The following GYS2 variants were observed in gnomAD, a reference collection of about 807,000 sequenced individuals.
GYS2 encodes glycogen synthase 2, also known as glycogen [starch] synthase, liver.
Under a neutral mutation model 85.6 loss-of-function variants are expected in GYS2, and 80 were observed. The observed-to-expected ratio is 0.93, with a 90% CI of 0.78 to 1.13. The LOEUF is 1.13. Ranked by LOEUF, GYS2 falls within the 50% of genes most tolerant of loss-of-function variation. The pLI, the probability that GYS2 is intolerant of heterozygous loss-of-function variation, is 0.00. For missense variants in GYS2, 881 were observed against 854.9 expected, an observed-to-expected ratio of 1.03 and a Z score of -0.38; for synonymous variants, 328 against 300.7, an observed-to-expected ratio of 1.09 and a Z score of -0.94.
chr12:21,567,310 A>G (rs1473717450), intron 5 of GYS2, among the ~76,000 whole-genome samples: 1 of 152,122 alleles, frequency 6.6e-6, no homozygotes, highest in Non-Finnish European at 1.5e-5. Context: ...TAGAATAGGC[A>G]AAAACAAAGA....
intron 15 of GYS2, among the ~76,000 whole-genome samples, chr12:21,537,806 A>C (rs577669571): frequency 6.6e-6 from 1 of 152,276 alleles, no homozygotes; most frequent in Non-Finnish European, 1.5e-5. Context: ...ATACTGAGAT[A>C]ACTTATTTGA....
chr12:21,533,126 T>A (rs762239083), downstream of GYS2, among the ~76,000 whole-genome samples: 7 of 152,240 alleles, frequency 4.6e-5, no homozygotes, highest in Non-Finnish European at 5.9e-5. Flanking sequence ...AATACCTTGA[T>A]CTGCAGGGAG....
At chr12:21,545,436 C>T (rs762904098) in intron 12 of GYS2, among the ~76,000 whole-genome samples, 69 of 152,136 alleles carry the variant, frequency 4.5e-4, no homozygotes, top group African/African-American at 8.9e-4. Context: ...AGTGAGACTC[C>T]GTCTCAAAGA....
chr12:21,582,407 C>T (rs1162362917), intron 1 of GYS2, among the ~76,000 whole-genome samples: 1 of 152,148 alleles, frequency 6.6e-6, no homozygotes, highest in Non-Finnish European at 1.5e-5. Flanking sequence ...TCCCAGCCTA[C>T]ATTTTTCTCC....
At chr12:21,574,386 G>C in intron 3 of GYS2, 60 bp from the exon 4 acceptor site, 1 of 1,245,646 alleles carries the variant, frequency 8.0e-7, no homozygotes, top group South Asian at 1.2e-5. Context: ...TTGTGCTCAT[G>C]GTCCACATCA....
chr12:21,583,172 C>T (rs993823387), intron 1 of GYS2, among the ~76,000 whole-genome samples: 9 of 152,178 alleles, frequency 5.9e-5, no homozygotes, highest in African/African-American at 1.7e-4. Flanking sequence ...GTAGCAAACA[C>T]ACTGGATTTA....
chr12:21,591,133 C>A (rs1372739203), intron 1 of GYS2, among the ~76,000 whole-genome samples: 1 of 151,448 alleles, frequency 6.6e-6, no homozygotes, highest in African/African-American at 2.4e-5. Context: ...GCAACATAAG[C>A]CAGTGGAAAA....
intron 1 of GYS2, among the ~76,000 whole-genome samples, chr12:21,593,106 G>A (rs1021798102): frequency 3.3e-5 from 5 of 151,782 alleles, no homozygotes; most frequent in Non-Finnish European, 7.4e-5. Context: ...TACAACATAG[G>A]AAAAGCCATG....
chr12:21,597,025 ACCCC>A (rs1402241337), intron 1 of GYS2, among the ~76,000 whole-genome samples: 1 of 151,904 alleles, frequency 6.6e-6, no homozygotes, highest in East Asian at 1.9e-4. Context: ...GCCTAATACA[ACCCC>A]TATTTATTGC....
intron 1 of GYS2, among the ~76,000 whole-genome samples, chr12:21,584,830 T>C (rs1374636741): frequency 6.6e-6 from 1 of 152,208 alleles, no homozygotes; most frequent in Non-Finnish European, 1.5e-5. Flanking sequence ...ACTGTCATGG[T>C]ATTCCACACA....
intron 1 of GYS2, among the ~76,000 whole-genome samples, chr12:21,597,766 C>T (rs10770842): frequency 0.71 from 107,749 of 151,978 alleles, 38,333 homozygotes; most frequent in Middle Eastern, 0.83. Context: ...TATTGCAGCA[C>T]GATTCACATT....
chr12:21,573,056 T>C (rs1944404291), intron 4 of GYS2, among the ~76,000 whole-genome samples: 1 of 152,226 alleles, frequency 6.6e-6, no homozygotes, highest in Non-Finnish European at 1.5e-5. Flanking sequence ...ATGTACAGCT[T>C]GTGTTTCTAG....
intron 1 of GYS2, among the ~76,000 whole-genome samples, chr12:21,585,474 C>T (rs1565609565): frequency 1.3e-5 from 2 of 151,642 alleles, no homozygotes; most frequent in African/African-American, 4.8e-5. Flanking sequence ...CTTAGTTTTA[C>T]CATGTCCTGG....
At chr12:21,557,476 C>T (rs1335408079) in intron 11 of GYS2, among the ~76,000 whole-genome samples, 4 of 152,212 alleles carry the variant, frequency 2.6e-5, no homozygotes, top group African/African-American at 9.6e-5. Context: ...GCCACATTCT[C>T]TGAAACTGGA....
intron 1 of GYS2, among the ~76,000 whole-genome samples, chr12:21,602,769 G>A (rs1944768466): frequency 6.6e-6 from 1 of 152,042 alleles, no homozygotes; most frequent in Non-Finnish European, 1.5e-5. Context: ...ACATGCTACT[G>A]ATTATAAGAT....
chr12:21,551,556 A>T lies in GYS2; in HGVS notation c.1423-5086T>A, dbSNP rs567916725. ...CTGAAGTCTTTGTTTTATTGGAGAG[A>T]TTTACCCCTTGGATCCTCAAGGACA... On this transcript the variant is annotated intron_variant, in intron 11 of 15. Transcript: ENST00000261195. 7.2e-5 allele frequency among the ~76,000 whole-genome samples: 11 copies of T among 152,068 alleles called. No individual in the cohort carries two copies. In the East Asian group the frequency reaches 2.1e-3, roughly 29 times the overall value.
chr12:21,576,123 A>G, intron 2 of GYS2, 66 bp from the exon 3 acceptor site: 1 of 1,271,664 alleles, frequency 7.9e-7, no homozygotes, highest in Non-Finnish European at 1.1e-6. Flanking sequence ...ATGTATTTGC[A>G]CTCTGAGGAT....
intron 1 of GYS2, among the ~76,000 whole-genome samples, chr12:21,582,117 A>G (rs1055330747): frequency 6.6e-6 from 1 of 152,228 alleles, no homozygotes; most frequent in Non-Finnish European, 1.5e-5. Flanking sequence ...AAAGGCTAAT[A>G]TACAGAATCT....
intron 8 of GYS2, among the ~76,000 whole-genome samples, chr12:21,560,068 T>C (rs546112838): frequency 3.0e-4 from 46 of 152,318 alleles, no homozygotes; most frequent in African/African-American, 1.1e-3. Context: ...CAGGGAGTCA[T>C]ATTACTAAGC....
Sources: allele counts gnomAD v4.1 joint callset (sites outside exome capture counted in the v4.1 genomes callset), GRCh38; gene constraint gnomAD v4.1.1; transcripts MANE v1.5; gene names NCBI Gene and HGNC (gene_info 2026-07-23, HGNC 2026-07-21).